Variants in PDS5B observed in about 807,000 individuals in gnomAD.
The protein encoded by PDS5B is sister chromatid cohesion protein PDS5 homolog B.
PDS5B carries 51 observed loss-of-function variants against 184.1 expected under a neutral mutation model. That is an observed-to-expected ratio of 0.28 (90% CI 0.22 to 0.35). The LOEUF is 0.35. PDS5B is among the 10% of genes least tolerant of loss of function. The probability of loss-of-function intolerance (pLI) is 1.00; values close to 1 mark genes in which losing one functional copy is unlikely to be tolerated. For synonymous variants in PDS5B, 566 were observed against 569.2 expected (o/e 0.99, Z 0.08); for missense variants, 1,180 against 1,723.3 (o/e 0.68, Z 5.58).
Position 32,654,431 on chromosome 13 carries a change from G to A in PDS5B, c.312+2424G>A, listed in dbSNP as rs891514972. ...CATCGCTACATAGGGTCAATATGGC[G>A]TGTGTACTCTTTCAGCAATCCAGGA... On this transcript the variant is annotated intron_variant, in intron 3 of 34. Coordinates refer to ENST00000315596, the MANE Select transcript of PDS5B (RefSeq NM_015032.4). Among the ~76,000 whole-genome samples, 16 of 152,114 alleles carry A rather than the reference G, an allele frequency of 1.1e-4. 1 individual carries two copies. The highest frequency in any genetic ancestry group is 5.2e-4 in the Admixed American group (8 of 15,266).
intron 15 of PDS5B, among the ~76,000 whole-genome samples, chr13:32,698,491 G>C (rs985954633): frequency 6.6e-6 from 1 of 152,000 alleles, no homozygotes; most frequent in African/African-American, 2.4e-5. Context: ...TTCTATAAGT[G>C]ATCATGTTTA....
intron 19 of PDS5B, among the ~76,000 whole-genome samples, chr13:32,715,493 T>C (rs1015088035): frequency 4.6e-5 from 7 of 152,242 alleles, no homozygotes; most frequent in Non-Finnish European, 8.8e-5. Context: ...GATATGGCTA[T>C]GTAAATGTAT....
intron 1 of PDS5B, among the ~76,000 whole-genome samples, chr13:32,620,175 T>C (rs1168374505): frequency 6.6e-6 from 1 of 152,248 alleles, no homozygotes; most frequent in Non-Finnish European, 1.5e-5. Context: ...TTGGCTGGTA[T>C]GTGGAAATGA....
chr13:32,735,080 AAAAT>A (rs1953281698), intron 20 of PDS5B, 88 bp from the exon 21 acceptor site: 4 of 743,258 alleles, frequency 5.4e-6, no homozygotes, highest in Non-Finnish European at 8.0e-6. Context: ...AATAAATTAC[AAAAT>A]AAATTTTGTA....
intron 1 of PDS5B, among the ~76,000 whole-genome samples, chr13:32,591,397 A>G (rs888589501): frequency 1.2e-4 from 18 of 152,254 alleles, no homozygotes; most frequent in Middle Eastern, 3.4e-3. Flanking sequence ...GATTACAGGC[A>G]TGAGCCACCA....
At chr13:32,609,937 T>A (rs1317933313) in intron 1 of PDS5B, among the ~76,000 whole-genome samples, 1 of 151,840 alleles carries the variant, frequency 6.6e-6, no homozygotes, top group African/African-American at 2.4e-5. Context: ...CACCTTTTTA[T>A]GCTAATGGCA....
In PDS5B at chr13:32,777,809, A is replaced by G. The variant is rs925208211; in HGVS notation, c.*2757A>G. ...GGTATTAAAGGTTAAATTGCTTTCT[A>G]TATCTTCTTATAACTTGTAAGTCTG... On this transcript the variant is annotated 3_prime_UTR_variant, in exon 35 of 35. Transcript: ENST00000315596. The G allele has an allele frequency of 5.9e-5, 9 of 152,392 alleles. No homozygotes were observed. Among genetic ancestry groups the G allele is most frequent in the South Asian group, 4.1e-4 (2 of 4,830 alleles). 9.4% of individuals were successfully genotyped at this position (152,392 alleles called of 1,614,324 possible). A position where few individuals can be genotyped will look rare whatever the true frequency, so the allele number is the denominator to read the frequency against.
chr13:32,717,768 T>C (rs1375908775), intron 19 of PDS5B, among the ~76,000 whole-genome samples: 3 of 147,298 alleles, frequency 2.0e-5, no homozygotes, highest in South Asian at 2.2e-4. Flanking sequence ...GAGGGAGATA[T>C]TTCAAATCTA....
intron 24 of PDS5B, among the ~76,000 whole-genome samples, chr13:32,752,537 A>C (rs1349095391): frequency 1.3e-5 from 2 of 152,188 alleles, no homozygotes; most frequent in African/African-American, 4.8e-5. Context: ...CATTTAAACC[A>C]ATCATTTTAA....
At position 32,775,095 on chromosome 13, in the gene PDS5B, A is replaced by ATATTT; in HGVS notation, c.*44_*45insATTTT. ...CTTTCTCTGTGAAAGCTTTGGAAAA[A>ATATTT]TCTTTTTTTTTTTTTTTGGTCAAGC... On this transcript the variant is annotated 3_prime_UTR_variant, in exon 35 of 35. Coordinates refer to ENST00000315596, the MANE Select transcript of PDS5B (RefSeq NM_015032.4). The ATATTT allele has an allele frequency of 1.9e-3, 1,026 of 545,492 alleles. No homozygotes were observed. Among genetic ancestry groups the ATATTT allele is most frequent in the Middle Eastern group, 3.5e-3 (7 of 2,010 alleles). The allele number at this position is 545,492 out of a possible 1,614,324, so 33.8% of individuals were successfully genotyped here.
chr13:32,704,558 T>C (rs562245499), intron 17 of PDS5B, among the ~76,000 whole-genome samples: 2 of 152,372 alleles, frequency 1.3e-5, no homozygotes, highest in African/African-American at 4.8e-5. Flanking sequence ...TAGATAGTTG[T>C]ATGAACTCCA....
intron 7 of PDS5B, among the ~76,000 whole-genome samples, chr13:32,670,139 T>C (rs2140748417): frequency 6.6e-6 from 1 of 152,318 alleles, no homozygotes; most frequent in African/African-American, 2.4e-5. Context: ...TTCTTTTTTT[T>C]TTTTATTCGA....
chr13:32,747,584 C>T (rs1322824251), intron 24 of PDS5B, among the ~76,000 whole-genome samples: 1 of 123,910 alleles, frequency 8.1e-6, no homozygotes, highest in African/African-American at 2.8e-5. Context: ...GAGACTCCAT[C>T]TCAAAAAAAA....
intron 1 of PDS5B, among the ~76,000 whole-genome samples, chr13:32,596,215 T>C (rs1269543183): frequency 1.3e-5 from 2 of 152,218 alleles, no homozygotes; most frequent in Non-Finnish European, 2.9e-5. Context: ...TGTTGCTCTC[T>C]CCATTCAATT....
intron 19 of PDS5B, among the ~76,000 whole-genome samples, chr13:32,731,808 A>AAG (rs1035298807): frequency 6.6e-6 from 1 of 152,214 alleles, no homozygotes; most frequent in Non-Finnish European, 1.5e-5. Context: ...TAAGAATAAA[A>AAG]AGAGAGAGGC....
At chr13:32,617,449 A>C (rs1380343140) in intron 1 of PDS5B, among the ~76,000 whole-genome samples, 1 of 152,270 alleles carries the variant, frequency 6.6e-6, no homozygotes, top group East Asian at 1.9e-4. Context: ...AATATTGGAA[A>C]GGAAGAGACC....
chr13:32,670,128 ATTCT>A (rs1324248936), intron 7 of PDS5B, among the ~76,000 whole-genome samples: 1 of 131,672 alleles, frequency 7.6e-6, no homozygotes, highest in African/African-American at 2.6e-5. Context: ...ATACAGACAC[ATTCT>A]TTTTTTTTTT....
intron 1 of PDS5B, among the ~76,000 whole-genome samples, chr13:32,626,592 CAT>C (rs1179419190): frequency 1.6e-4 from 24 of 151,818 alleles, no homozygotes; most frequent in Admixed American, 1.6e-3. Context: ...TCATTTTTGA[CAT>C]GTTTTCAGTC....
At chr13:32,737,927 A>T (rs894709748) in intron 21 of PDS5B, among the ~76,000 whole-genome samples, 1 of 152,150 alleles carries the variant, frequency 6.6e-6, no homozygotes, top group African/African-American at 2.4e-5. Flanking sequence ...AATTTACCAC[A>T]TACTTGTTTA....
Sources: gnomAD v4.1 joint callset for allele counts (sites outside exome capture counted in the v4.1 genomes callset) on GRCh38, gnomAD v4.1.1 for gene constraint, MANE v1.5 for transcripts, NCBI Gene and HGNC (gene_info 2026-07-23, HGNC 2026-07-21) for gene names.